Variants in COL4A1 observed in about 807,000 individuals in gnomAD.
The protein encoded by COL4A1 is collagen type IV alpha 1 chain.
Under a neutral mutation model 216.6 loss-of-function variants are expected in COL4A1, and 40 were observed. That is an observed-to-expected ratio of 0.18 (90% confidence interval 0.14 to 0.24). The LOEUF (loss-of-function observed/expected upper bound fraction) is 0.24, where lower values mean the gene tolerates loss of function less well. Among genes scored for constraint, COL4A1 ranks in the 10% least tolerant of loss-of-function variants. The pLI, the probability that COL4A1 is intolerant of heterozygous loss-of-function variation, is 1.00. For missense variants in COL4A1, 1,628 were observed against 2,196.8 expected (o/e 0.74, Z 5.18); for synonymous variants, 839 against 810.7 (o/e 1.03, Z -0.59).
At chr13:110,279,860 T>C (rs1308017026) in intron 1 of COL4A1, among the ~76,000 whole-genome samples, 1 of 152,208 alleles carries the variant, frequency 6.6e-6, no homozygotes, top group Admixed American at 6.5e-5. Flanking sequence ...CCCGTGGGCC[T>C]GCATCGAGAG....
At chr13:110,184,890 G>A (rs1171383711) in intron 26 of COL4A1, among the ~76,000 whole-genome samples, 6 of 151,846 alleles carry the variant, frequency 4.0e-5, no homozygotes, top group Admixed American at 2.6e-4. Flanking sequence ...GGCAGGCCTC[G>A]AGCTCCTGAC....
Position 110,179,056 on chromosome 13 carries a change from A to G in COL4A1, c.2345-20T>C, listed in dbSNP as rs1295399497. ...GTTCACCTGGAGAAGAAAAATTGAGAGTAAGCTGTACAGGAGCAGTGGCAC... is the reference window on the plus strand; with the variant it reads ...GTTCACCTGGAGAAGAAAAATTGAGGGTAAGCTGTACAGGAGCAGTGGCAC... On this transcript the variant is annotated intron_variant, in intron 30 of 51. Transcript: ENST00000375820. The G allele has an allele frequency of 6.2e-7, 1 of 1,600,744 alleles. No individual in the cohort carries two copies. Among genetic ancestry groups the G allele is most frequent in the Non-Finnish European group, 8.5e-7 (1 of 1,172,400 alleles).
intron 1 of COL4A1, among the ~76,000 whole-genome samples, chr13:110,292,690 C>T (rs1884134634): frequency 6.6e-6 from 1 of 152,184 alleles, no homozygotes; most frequent in African/African-American, 2.4e-5. Flanking sequence ...TGAGAACTCA[C>T]TCACTATCAT....
At chr13:110,183,940 A>G (rs187567692) in intron 26 of COL4A1, among the ~76,000 whole-genome samples, 123 of 152,306 alleles carry the variant, frequency 8.1e-4, no homozygotes, top group African/African-American at 2.9e-3. Flanking sequence ...GAATGCACGC[A>G]CTGAATCTTC....
intron 50 of COL4A1, 35 bp downstream of exon 50, chr13:110,155,248 T>C: frequency 6.5e-7 from 1 of 1,532,768 alleles, no homozygotes; most frequent in Non-Finnish European, 9.0e-7. Flanking sequence ...AGTGGGGCTC[T>C]TCCCGGGAAA....
intron 1 of COL4A1, among the ~76,000 whole-genome samples, chr13:110,255,440 G>C (rs1239623952): frequency 6.8e-6 from 1 of 148,056 alleles, no homozygotes; most frequent in African/African-American, 2.5e-5. Context: ...AAGGGAGGGA[G>C]GCAGGTCATG....
chr13:110,201,804 A>G, intron 18 of COL4A1: 2 of 566,782 alleles, frequency 3.5e-6, no homozygotes, highest in Non-Finnish European at 6.8e-6. Context: ...CAATATGGTG[A>G]AACCCCGACT....
chr13:110,167,483 C>T (rs990561512), intron 43 of COL4A1, among the ~76,000 whole-genome samples: 2 of 152,144 alleles, frequency 1.3e-5, no homozygotes, highest in African/African-American at 2.4e-5. Flanking sequence ...ACAGGGGAAG[C>T]GCCTGAGGAG....
chr13:110,205,248 T>G (rs1392891055), intron 17 of COL4A1, 105 bp downstream of exon 17: 2 of 1,369,790 alleles, frequency 1.5e-6, no homozygotes, highest in Admixed American at 1.8e-5. Flanking sequence ...CATAAATGAT[T>G]TTTTTCCCTT....
rs1878670086 is a variant in COL4A1 at position 110,192,301 on chromosome 13, G to A, written c.1466-17C>T. 3 of 1,612,848 alleles carry A rather than the reference G, an allele frequency of 1.9e-6. No individual in the cohort carries two copies. The highest frequency in any genetic ancestry group is 2.5e-6 in the Non-Finnish European group (3 of 1,178,950). On this transcript the variant is annotated splice_polypyrimidine_tract_variant and intron_variant, in intron 23 of 51. Coordinates refer to ENST00000375820, the MANE Select transcript of COL4A1 (RefSeq NM_001845.6). Reference sequence around the variant, plus strand: ...CTGGGAAACCTTTCGTGAGAGAGAGGGAAAAAGACAGCAACACAGCATTCA... The same window carrying A: ...CTGGGAAACCTTTCGTGAGAGAGAGAGAAAAAGACAGCAACACAGCATTCA...
At chr13:110,296,552 A>C (rs895813842) in intron 1 of COL4A1, among the ~76,000 whole-genome samples, 1 of 152,232 alleles carries the variant, frequency 6.6e-6, no homozygotes, top group Admixed American at 6.5e-5. Flanking sequence ...CTCTGCTCTC[A>C]CAACAAGCTT....
chr13:110,192,854 G>A lies in COL4A1; in HGVS notation c.1441C>T (p.Pro481Ser). The A allele has an allele frequency of 6.2e-7, 1 of 1,614,028 alleles. No individual in the cohort carries two copies. Among genetic ancestry groups the A allele is most frequent in the South Asian group, 1.1e-5 (1 of 91,076 alleles). The change falls in exon 23 of 52, where the codon CCA becomes TCA. Residue 481 changes from proline (P) to serine (S), a missense_variant. Transcript: ENST00000375820. ...DIDGYRGPPG[P>S]QGPPGEIGFP... ...CCTATTTCTCCCGGGGGTCCCTGTG[G>A]CCCGGGAGGCCCCCGATATCCGTCT...
In COL4A1 at chr13:110,158,332, G is replaced by A. The variant is rs144095628; in HGVS notation, c.4640+2860C>T. ...ATAGGAGGCACCTTCCAGCCCTCTGGTCCATGGTCCCACGTGGCATAGCTC... is the reference window on the plus strand; with the variant it reads ...ATAGGAGGCACCTTCCAGCCCTCTGATCCATGGTCCCACGTGGCATAGCTC... On this transcript the variant is annotated intron_variant, in intron 49 of 51. Coordinates refer to ENST00000375820, the MANE Select transcript of COL4A1 (RefSeq NM_001845.6). Among the ~76,000 whole-genome samples, 45 of 152,280 alleles carry A rather than the reference G, an allele frequency of 3.0e-4. No homozygotes were observed. In the East Asian group the frequency reaches 5.0e-3, roughly 17 times the overall value.
intron 2 of COL4A1, among the ~76,000 whole-genome samples, chr13:110,241,313 G>C (rs995391664): frequency 1.3e-5 from 2 of 152,190 alleles, no homozygotes; most frequent in Non-Finnish European, 2.9e-5. Context: ...TCCCTAGGAG[G>C]GAGCAGGGCC....
chr13:110,292,277 A>C (rs2139313221), intron 1 of COL4A1, among the ~76,000 whole-genome samples: 1 of 152,346 alleles, frequency 6.6e-6, no homozygotes, highest in Middle Eastern at 3.4e-3. Context: ...TGAGAATGTG[A>C]TAAAAGTTCC....
chr13:110,176,863 A>G (rs1375004996), intron 34 of COL4A1, 22 bp downstream of exon 34: 1 of 1,614,228 alleles, frequency 6.2e-7, no homozygotes, highest in African/African-American at 1.3e-5. Flanking sequence ...GAGCTTGGCC[A>G]TGAGAAGCCT....
intron 1 of COL4A1, among the ~76,000 whole-genome samples, chr13:110,258,194 T>G (rs1219941319): frequency 6.6e-6 from 1 of 152,164 alleles, no homozygotes; most frequent in Non-Finnish European, 1.5e-5. Context: ...CTGTGAAGCT[T>G]AAATGAGCAG....
chr13:110,298,635 A>G (rs1225223270), intron 1 of COL4A1: 1 of 152,200 alleles, frequency 6.6e-6, no homozygotes, highest in Non-Finnish European at 1.5e-5. Flanking sequence ...TAGAAACCGG[A>G]TTTGGCGGTC....
In COL4A1 at chr13:110,189,132, C is replaced by A. The variant is rs998917450; in HGVS notation, c.1537-1803G>T. Among the ~76,000 whole-genome samples the A allele has an allele frequency of 4.1e-4, 63 of 152,196 alleles. 4 individuals are homozygous for A. The highest frequency in any genetic ancestry group is 2.9e-5 in the Non-Finnish European group (2 of 68,028). Reference sequence around the variant, plus strand: ...AGGCTGGAGTGCAATGGCGCCATCTCGGCTCACCGCAACCTCCGCCTCTCA... The same window carrying A: ...AGGCTGGAGTGCAATGGCGCCATCTAGGCTCACCGCAACCTCCGCCTCTCA... On this transcript the variant is annotated intron_variant, in intron 24 of 51. Coordinates refer to ENST00000375820, the MANE Select transcript of COL4A1 (RefSeq NM_001845.6).
Sources: gnomAD v4.1 joint callset for allele counts (sites outside exome capture counted in the v4.1 genomes callset) on GRCh38, gnomAD v4.1.1 for gene constraint, MANE v1.5 for transcripts, NCBI Gene and HGNC (gene_info 2026-07-23, HGNC 2026-07-21) for gene names.